The following PCDHA1 variants were observed in gnomAD, a reference collection of about 807,000 sequenced individuals.
The protein encoded by PCDHA1 is protocadherin alpha-1.
A neutral mutation model predicts 61.3 loss-of-function variants in PCDHA1; 42 were observed. The ratio of observed to expected loss-of-function variants is 0.69; its 90% CI spans 0.54 to 0.89. PCDHA1 has a LOEUF of 0.89. Ranked by LOEUF, PCDHA1 falls within the 40% of genes least tolerant of loss-of-function variation. The pLI is 0.00. For missense variants in PCDHA1, 1,256 were observed against 1,235.3 expected (o/e 1.02, Z -0.25); for synonymous variants, 610 against 553.8 (o/e 1.10, Z -1.43).
In PCDHA1 at chr5:140,850,319, A is replaced by T. The variant is rs1407979146; in HGVS notation, c.2394+61635A>T. On this transcript the variant is annotated intron_variant, in intron 1 of 3. Transcript: ENST00000504120. ...ACTCGGGCTACAACGCGTGGCTTTC[A>T]TACGAGCTGCAGCCAGAAACGGCCA... 3.1e-6 allele frequency: 5 copies of T among 1,597,446 alleles called. No individual in the cohort carries two copies. In the African/African-American group the frequency reaches 6.7e-5, roughly 21 times the overall value.
chr5:140,928,921 C>A (rs782289381), intron 1 of PCDHA1: 1 of 1,614,116 alleles, frequency 6.2e-7, no homozygotes, highest in Non-Finnish European at 8.5e-7. Flanking sequence ...AGGAGGGCAG[C>A]TTTCTGCCCA....
At chr5:140,850,196 A>G (rs1367952118) in intron 1 of PCDHA1, 1 of 1,592,698 alleles carries the variant, frequency 6.3e-7, no homozygotes, top group East Asian at 2.2e-5. Context: ...CGCTGCTGAC[A>G]CCTCGGATGA....
intron 3 of PCDHA1, among the ~76,000 whole-genome samples, chr5:140,993,462 T>TCTCA (rs1235362335): frequency 6.4e-5 from 9 of 140,938 alleles, no homozygotes; most frequent in African/African-American, 2.1e-4. Context: ...TCTTTCTTTC[T>TCTCA]CACACACACA....
intron 1 of PCDHA1, chr5:140,795,190 G>A: frequency 1.2e-6 from 2 of 1,614,144 alleles, no homozygotes; most frequent in South Asian, 2.2e-5. Flanking sequence ...GGACCTTCTG[G>A]AGGTAAATCT....
chr5:140,898,147 C>G (rs2066556304), intron 1 of PCDHA1, among the ~76,000 whole-genome samples: 1 of 152,150 alleles, frequency 6.6e-6, no homozygotes, highest in Non-Finnish European at 1.5e-5. Context: ...GTTGCCTGTT[C>G]ACGCTGATGG....
intron 1 of PCDHA1, among the ~76,000 whole-genome samples, chr5:140,931,683 A>C (rs1482331530): frequency 6.6e-6 from 1 of 151,950 alleles, no homozygotes; most frequent in Non-Finnish European, 1.5e-5. Flanking sequence ...AAATAAATGA[A>C]TTGTGATTCA....
At chr5:140,990,492 A>G (rs533006418) in intron 3 of PCDHA1, among the ~76,000 whole-genome samples, 1 of 152,308 alleles carries the variant, frequency 6.6e-6, no homozygotes, top group South Asian at 2.1e-4. Flanking sequence ...TAGTGAGGTG[A>G]CATTCCCCAA....
chr5:140,836,506 CCA>C, intron 1 of PCDHA1: 2 of 1,613,884 alleles, frequency 1.2e-6, no homozygotes, highest in Non-Finnish European at 1.7e-6. Context: ...TGCGCGGTGT[CCA>C]GTCTGTTGGT....
chr5:140,823,024 G>T (rs2150121461), intron 1 of PCDHA1: 3 of 1,614,202 alleles, frequency 1.9e-6, no homozygotes, highest in East Asian at 2.2e-5. Flanking sequence ...CCGCGAGAGC[G>T]TGTCGGTCTA....
rs1474100654 is a variant in PCDHA1, at chr5:140,787,493, C to T, written c.1203C>T (p.Phe401=). The T allele has an allele frequency of 6.2e-6, 10 of 1,614,108 alleles. No individual in the cohort carries two copies. The highest frequency in any genetic ancestry group is 1.6e-4 in the Middle Eastern group (1 of 6,078). ...TCCCCTTCAAGCTGGTGTCCACCTT[C>T]AAGAATTACTACTCGTTGGTGTTGG... is the stretch of plus-strand genomic sequence containing the variant. The part of the protein sequence containing the change: ...PHVPFKLVST[F]KNYYSLVLDS... Residue 401 remains phenylalanine (F), a synonymous_variant, in exon 1 of 4, where the codon TTC becomes TTT. Transcript: ENST00000504120.
intron 1 of PCDHA1, chr5:140,842,447 G>A: frequency 6.2e-7 from 1 of 1,613,790 alleles, no homozygotes; most frequent in Non-Finnish European, 8.5e-7. Context: ...TAGCGTGAAC[G>A]ACCTCGATTC....
chr5:140,871,061 A>T, intron 1 of PCDHA1: 1 of 1,613,200 alleles, frequency 6.2e-7, no homozygotes, highest in South Asian at 1.1e-5. Flanking sequence ...GTGAAGGATC[A>T]CGGTGAGCCG....
chr5:140,788,794 G>T, intron 1 of PCDHA1, 110 bp downstream of exon 1: 1 of 1,436,170 alleles, frequency 7.0e-7, no homozygotes, highest in Non-Finnish European at 9.2e-7. Flanking sequence ...CACTAACGTT[G>T]AAATAAATCA....
At chr5:140,901,674 G>C (rs1387047115) in intron 1 of PCDHA1, among the ~76,000 whole-genome samples, 5 of 152,034 alleles carry the variant, frequency 3.3e-5, no homozygotes, top group African/African-American at 9.7e-5. Flanking sequence ...GATACCTTTA[G>C]GTATTATGGG....
At chr5:140,802,484 C>A in intron 1 of PCDHA1, 1 of 1,614,164 alleles carries the variant, frequency 6.2e-7, no homozygotes, top group South Asian at 1.1e-5. Flanking sequence ...CTGCTCGGGA[C>A]GGGGGCTCGC....
At chr5:140,897,762 A>G (rs572488219) in intron 1 of PCDHA1, among the ~76,000 whole-genome samples, 1 of 152,324 alleles carries the variant, frequency 6.6e-6, no homozygotes, top group East Asian at 1.9e-4. Flanking sequence ...AGGAATCGCC[A>G]CACTGACTTC....
chr5:140,893,693 T>G (rs868968555), intron 1 of PCDHA1, among the ~76,000 whole-genome samples: 43 of 152,366 alleles, frequency 2.8e-4, no homozygotes, highest in Middle Eastern at 3.4e-3. Context: ...CATCTCATTC[T>G]ATCCTAGCCT....
At chr5:140,892,537 CTT>C (rs570429050) in intron 1 of PCDHA1, among the ~76,000 whole-genome samples, 2 of 152,252 alleles carry the variant, frequency 1.3e-5, no homozygotes, top group South Asian at 4.1e-4. Flanking sequence ...AGGATTCTGA[CTT>C]TTGTTTCTCT....
chr5:140,920,570 G>A (rs2153557888), intron 1 of PCDHA1, among the ~76,000 whole-genome samples: 1 of 152,186 alleles, frequency 6.6e-6, no homozygotes, highest in Non-Finnish European at 1.5e-5. Flanking sequence ...CTTAGGCCAG[G>A]AGCAGTGGCT....
Sources: gnomAD v4.1 joint callset for allele counts (sites outside exome capture counted in the v4.1 genomes callset) on GRCh38, gnomAD v4.1.1 for gene constraint, MANE v1.5 for transcripts, NCBI Gene and HGNC (gene_info 2026-07-23, HGNC 2026-07-21) for gene names.